The following KRT77 variants were observed in gnomAD, a reference collection of about 807,000 sequenced individuals.
KRT77 encodes the protein keratin 77.
KRT77 carries 44 observed loss-of-function variants against 51.5 expected under a neutral mutation model. The observed-to-expected ratio is 0.85, with a 90% CI of 0.67 to 1.10. The LOEUF is 1.10. Ranked by LOEUF, KRT77 falls within the 50% of genes least tolerant of loss-of-function variation. The pLI is 0.00. For missense variants in KRT77, 763 were observed against 743.9 expected (o/e 1.03, Z -0.30); for synonymous variants, 293 against 302.0 (o/e 0.97, Z 0.31).
intron 4 of KRT77, chr12:52,695,241 T>G (rs1941777552): frequency 6.2e-6 from 1 of 161,556 alleles, no homozygotes. Context: ...AGTGCCTCAG[T>G]TTTCCCATCT....
At chr12:52,694,973 G>C in intron 4 of KRT77, 183 bp from the exon 5 acceptor site, 1 of 423,424 alleles carries the variant, frequency 2.4e-6, no homozygotes, top group South Asian at 5.9e-5. Flanking sequence ...TGCCTCCAGG[G>C]AGAAGGAAGG....
In KRT77 at chr12:52,691,117, G is replaced by A; in HGVS notation, c.*48C>T. 13 of 1,612,970 alleles carry A rather than the reference G, an allele frequency of 8.1e-6. No individual in the cohort carries two copies. The highest frequency in any genetic ancestry group is 1.1e-5 in the Non-Finnish European group (13 of 1,179,374). ...AAGGGCGTGGAGGGGAGGAGTTTGA[G>A]GAGAGGGCGGTGAGGGGCAGGCGTG... On this transcript the variant is annotated 3_prime_UTR_variant, in exon 9 of 9. Coordinates refer to ENST00000341809, the MANE Select transcript of KRT77 (RefSeq NM_175078.3).
At chr12:52,692,320 TC>T in intron 7 of KRT77, 100 bp downstream of exon 7, 1 of 1,345,782 alleles carries the variant, frequency 7.4e-7, no homozygotes, top group African/African-American at 1.4e-5. Flanking sequence ...CTACCAATCT[TC>T]CCAAAAAGGT....
At chr12:52,701,777 C>T (rs1476334700) in intron 1 of KRT77, among the ~76,000 whole-genome samples, 1 of 152,184 alleles carries the variant, frequency 6.6e-6, no homozygotes, top group Admixed American at 6.5e-5. Flanking sequence ...TCCATCTGGC[C>T]CATCCTTGGC....
At position 52,692,747 on chromosome 12, in the gene KRT77, C is replaced by A. The variant is rs1357095; in HGVS notation, c.1206+8G>T. ...GCTTGGTCAGCCCTCCCTAAGCACC[C>A]GTCCCACCTGCTTCTTCACGTTGCT... On this transcript the variant is annotated splice_region_variant and intron_variant, in intron 6 of 8. Transcript: ENST00000341809. The A allele has an allele frequency of 1.2e-6, 2 of 1,603,626 alleles. No individual in the cohort carries two copies. Among genetic ancestry groups the A allele is most frequent in the African/African-American group, 1.3e-5 (1 of 74,778 alleles).
intron 2 of KRT77, among the ~76,000 whole-genome samples, chr12:52,696,992 T>C (rs572537689): frequency 2.6e-5 from 4 of 152,192 alleles, no homozygotes; most frequent in Non-Finnish European, 5.9e-5. Flanking sequence ...CTCTGCTGCC[T>C]GCACGGCTCA....
At position 52,691,971 on chromosome 12, in the gene KRT77, T is replaced by C. The variant is rs1354921852; in HGVS notation, c.1429A>G (p.Met477Val). Residue 477 changes from methionine (M) to valine (V), a missense_variant and splice_region_variant, in exon 8 of 9, where the codon ATG becomes GTG. Coordinates refer to ENST00000341809, the MANE Select transcript of KRT77 (RefSeq NM_175078.3). ...ACATGGCTCTGCAGCTCTCCTGACA[T>C]CCTGTAAAACCAAAGCACACGGTCA... ...RQLLEGEESR[M>V]SGELQSHVSI... is the part of the protein sequence containing the mutation. 6 of 1,613,864 alleles carry C rather than the reference T, an allele frequency of 3.7e-6. No individual in the cohort carries two copies. The highest frequency in any genetic ancestry group is 5.1e-6 in the Non-Finnish European group (6 of 1,180,032).
intron 7 of KRT77, 54 bp from the exon 8 acceptor site, chr12:52,692,026 G>A: frequency 6.3e-7 from 1 of 1,583,044 alleles, no homozygotes; most frequent in African/African-American, 1.3e-5. Context: ...AGGAGAGAAG[G>A]CTGTGGCCCA....
In KRT77 at chr12:52,691,220, C is replaced by G; in HGVS notation, c.1682G>C (p.Arg561Pro). The part of the protein sequence containing the change: ...GSGRSGRGSS[R>P]VQIIQTSTNT... ...GGTGGAGGTCTGGATGATCTGCACG[C>G]GCGAGGATCCGCGGCCGCTTCTGCC... The change falls in exon 9 of 9, where the codon CGC becomes CCC. Residue 561 changes from arginine (R) to proline (P), a missense_variant. By Grantham distance (103) the Arg-to-Pro change is moderately radical. Transcript: ENST00000341809. The G allele has an allele frequency of 1.2e-6, 2 of 1,614,010 alleles. No homozygotes were observed. The highest frequency in any genetic ancestry group is 1.7e-6 in the Non-Finnish European group (2 of 1,179,970).
chr12:52,697,993 A>G, intron 1 of KRT77, 97 bp from the exon 2 acceptor site: 1 of 1,423,386 alleles, frequency 7.0e-7, no homozygotes, highest in Non-Finnish European at 9.8e-7. Context: ...TCCAGACCTC[A>G]GAGAATCAGG....
chr12:52,693,832 A>G (rs1229974458), intron 5 of KRT77, among the ~76,000 whole-genome samples: 1 of 150,002 alleles, frequency 6.7e-6, no homozygotes, highest in Non-Finnish European at 1.5e-5. Flanking sequence ...TAAGTAAAAG[A>G]GAAAGTATAG....
chr12:52,691,547 C>T (rs917967400), intron 8 of KRT77, 108 bp from the exon 9 acceptor site: 1 of 1,292,440 alleles, frequency 7.7e-7, no homozygotes, highest in South Asian at 1.4e-5. Context: ...CCCGTGGCAT[C>T]GACTTGCAAA....
Position 52,703,463 on chromosome 12 carries a change from A to G in KRT77, c.-29T>C, listed in dbSNP as rs935630557. On this transcript the variant is annotated 5_prime_UTR_variant, in exon 1 of 9. Coordinates refer to ENST00000341809, the MANE Select transcript of KRT77 (RefSeq NM_175078.3). ...TGCTGGAGCATCCAGAGAAGCAGGC[A>G]AGAGAAAGAGCCTGGCAGGAAGGAG... The G allele has an allele frequency of 1.3e-6, 2 of 1,537,464 alleles. No individual in the cohort carries two copies. The highest frequency in any genetic ancestry group is 4.0e-5 in the Admixed American group (2 of 49,612).
intron 2 of KRT77, chr12:52,696,651 G>A: frequency 2.0e-6 from 1 of 509,590 alleles, no homozygotes; most frequent in Non-Finnish European, 3.5e-6. Context: ...GGGACCCCGG[G>A]CCAACATGGA....
intron 5 of KRT77, 38 bp from the exon 6 acceptor site, chr12:52,692,918 C>A (rs755841977): frequency 2.5e-6 from 4 of 1,597,248 alleles, no homozygotes; most frequent in African/African-American, 1.3e-5. Flanking sequence ...GCATGTGCTG[C>A]CCACCACAAG....
intron 1 of KRT77, among the ~76,000 whole-genome samples, chr12:52,702,563 TGTGTATAA>T (rs1941899454): frequency 6.6e-6 from 1 of 150,448 alleles, no homozygotes; most frequent in Admixed American, 6.7e-5. Context: ...TTTGTGTGTG[TGTGTATAA>T]ATGGATTGTG....
At chr12:52,694,911 A>C (rs570672516) in intron 4 of KRT77, 121 bp from the exon 5 acceptor site, 2 of 861,678 alleles carry the variant, frequency 2.3e-6, no homozygotes, top group South Asian at 4.4e-5. Flanking sequence ...AGTCTTGGGA[A>C]AAGCTCTTGG....
At chr12:52,691,502 GC>G in intron 8 of KRT77, 63 bp from the exon 9 acceptor site, 1 of 1,488,222 alleles carries the variant, frequency 6.7e-7, no homozygotes, top group Non-Finnish European at 8.9e-7. Flanking sequence ...ACCTGCACCC[GC>G]CCCTGCACCT....
chr12:52,702,777 T>G (rs559870658), intron 1 of KRT77, 115 bp downstream of exon 1: 1 of 1,054,158 alleles, frequency 9.5e-7, no homozygotes, highest in Admixed American at 2.3e-5. Flanking sequence ...TAAATGATTT[T>G]CTAAGGTCCC....
Sources: gnomAD v4.1 joint callset for allele counts (sites outside exome capture counted in the v4.1 genomes callset) on GRCh38, gnomAD v4.1.1 for gene constraint, MANE v1.5 for transcripts, NCBI Gene and HGNC (gene_info 2026-07-23, HGNC 2026-07-21) for gene names.